The following ABCG1 variants were observed in gnomAD, a reference collection of about 807,000 sequenced individuals.
ABCG1 encodes ATP binding cassette subfamily G member 1, also known as ATP-binding cassette sub-family G member 1.
In ABCG1, 29 loss-of-function variants were observed where a neutral mutation model predicts 69.2. That is an observed-to-expected ratio of 0.42 (90% confidence interval 0.31 to 0.57). The LOEUF is 0.57. Among genes scored for constraint, ABCG1 ranks in the 20% least tolerant of loss-of-function variants. ABCG1 has a pLI of 0.15. For synonymous variants in ABCG1, 370 were observed against 374.8 expected (o/e 0.99, Z 0.15); for missense variants, 718 against 898.1 (o/e 0.80, Z 2.56).
At chr21:42,216,989 A>C (rs535269970), upstream of ABCG1, among the ~76,000 whole-genome samples, 1 of 152,332 alleles carries the variant, frequency 6.6e-6, no homozygotes, top group East Asian at 1.9e-4. Flanking sequence ...CAGAAAATCC[A>C]GCAGCCAAAG....
intron 2 of ABCG1, among the ~76,000 whole-genome samples, chr21:42,247,236 T>G (rs1450356603): frequency 6.6e-6 from 1 of 152,248 alleles, no homozygotes; most frequent in Non-Finnish European, 1.5e-5. Flanking sequence ...AAAGTATTTT[T>G]GCTCAGTCTT....
upstream of ABCG1, among the ~76,000 whole-genome samples, chr21:42,214,082 G>A (rs2067614949): frequency 6.6e-6 from 1 of 152,222 alleles, no homozygotes; most frequent in African/African-American, 2.4e-5. Context: ...GCCAGGGGTG[G>A]AATGCTATGG....
In ABCG1 at chr21:42,279,693, G is replaced by T. The variant is rs111709209; in HGVS notation, c.589-2581G>T. 6.6e-3 allele frequency among the ~76,000 whole-genome samples: 1,005 copies of T among 152,368 alleles called. 14 individuals carry two copies. The highest frequency in any genetic ancestry group is 0.023 in the African/African-American group (954 of 41,586). On this transcript the variant is annotated intron_variant, in intron 5 of 14. Coordinates refer to ENST00000398449, the MANE Select transcript of ABCG1 (RefSeq NM_016818.3). ...GGCGACAGCCACCAGCCTTTTCCGGGGTAGCTGGTGAAAGTCGCTCTCCCC... is the reference window on the plus strand; with the variant it reads ...GGCGACAGCCACCAGCCTTTTCCGGTGTAGCTGGTGAAAGTCGCTCTCCCC...
At chr21:42,208,147 T>C (rs1006298039) in intron 2 of ABCG1, among the ~76,000 whole-genome samples, 5 of 152,222 alleles carry the variant, frequency 3.3e-5, no homozygotes, top group Admixed American at 6.5e-5. Context: ...AGAGAAGTTA[T>C]TGTCTAAAAA....
chr21:42,258,774 G>C (rs538842065), intron 2 of ABCG1, among the ~76,000 whole-genome samples: 2 of 152,208 alleles, frequency 1.3e-5, no homozygotes, highest in Non-Finnish European at 2.9e-5. Context: ...GATGAGGGCT[G>C]CCCCCTGCAG....
chr21:42,268,063 CG>C (rs1318766157), intron 2 of ABCG1, among the ~76,000 whole-genome samples: 1 of 152,174 alleles, frequency 6.6e-6, no homozygotes, highest in Non-Finnish European at 1.5e-5. Context: ...GCATCCTGCA[CG>C]GGGCTGATGG....
At chr21:42,268,539 T>A (rs1474263287) in intron 2 of ABCG1, among the ~76,000 whole-genome samples, 1 of 152,220 alleles carries the variant, frequency 6.6e-6, no homozygotes, top group Non-Finnish European at 1.5e-5. Context: ...GACTAATGTT[T>A]ACTGGACTTT....
At chr21:42,246,597 G>GTA (rs1262275143) in intron 2 of ABCG1, among the ~76,000 whole-genome samples, 1 of 152,116 alleles carries the variant, frequency 6.6e-6, no homozygotes. Context: ...TGGCGTATGT[G>GTA]TATATATATG....
At position 42,243,475 on chromosome 21, in the gene ABCG1, TGTGTGTGTGTGTGTGC is replaced by T. The variant is rs1163365778; in HGVS notation, c.286+17563_286+17578del. Among the ~76,000 whole-genome samples, 7 of 150,932 alleles carry T rather than the reference TGTGTGTGTGTGTGTGC, an allele frequency of 4.6e-5. No homozygotes were observed. The South Asian group carries it at 6.3e-4, about 14-fold the overall frequency. On this transcript the variant is annotated intron_variant, in intron 2 of 14. Coordinates refer to ENST00000398449, the MANE Select transcript of ABCG1 (RefSeq NM_016818.3). ...GTGTGTGTGTGTGTGTGTGTGTGTG[TGTGTGTGTGTGTGTGC>T]GCTGGTTTATAATATCACCTGGGCG...
chr21:42,234,010 T>C (rs185256257), intron 2 of ABCG1, among the ~76,000 whole-genome samples: 29 of 128,806 alleles, frequency 2.3e-4, no homozygotes, highest in Admixed American at 3.0e-4. Flanking sequence ...CCTCCCACTG[T>C]TTTGGGAGAA....
At chr21:42,236,790 A>C (rs551817736) in intron 2 of ABCG1, among the ~76,000 whole-genome samples, 2 of 152,250 alleles carry the variant, frequency 1.3e-5, no homozygotes, top group Admixed American at 1.3e-4. Context: ...GGGTACATCT[A>C]TGATAACTAT....
upstream of ABCG1, among the ~76,000 whole-genome samples, chr21:42,216,985 A>C (rs905514136): frequency 6.6e-6 from 1 of 152,104 alleles, no homozygotes; most frequent in African/African-American, 2.4e-5. Flanking sequence ...GCAACAGAAA[A>C]TCCAGCAGCC....
chr21:42,249,229 GCCGGGC>G (rs1204677070), intron 2 of ABCG1, among the ~76,000 whole-genome samples: 8 of 152,132 alleles, frequency 5.3e-5, no homozygotes, highest in African/African-American at 1.9e-4. Context: ...AGGGAGGGGC[GCCGGGC>G]CTGGGGTGTG....
chr21:42,256,999 G>A (rs1972074682), intron 2 of ABCG1, among the ~76,000 whole-genome samples: 1 of 152,226 alleles, frequency 6.6e-6, no homozygotes, highest in Non-Finnish European at 1.5e-5. Context: ...AGCAGCCAGT[G>A]TTTATTAACC....
intron 2 of ABCG1, among the ~76,000 whole-genome samples, chr21:42,239,525 A>C (rs971346221): frequency 6.6e-6 from 1 of 152,250 alleles, no homozygotes; most frequent in African/African-American, 2.4e-5. Context: ...GGCGCCGGGC[A>C]GTGTGCTCAG....
chr21:42,244,681 C>G (rs225370), intron 2 of ABCG1, among the ~76,000 whole-genome samples: 15,046 of 152,156 alleles, frequency 0.099, 2,425 homozygotes, highest in African/African-American at 0.34. Flanking sequence ...TGGCAGTGGT[C>G]GTCTGAGAAT....
At position 42,207,738 on chromosome 21, in the gene ABCG1, G is replaced by T. The variant is rs185667717; in HGVS notation, c.48+6015G>T. On this transcript the variant is annotated intron_variant, in intron 2 of 15. Coordinates refer to the ABCG1 transcript ENST00000398457. Reference sequence around the variant, plus strand: ...GGGCTCCTCATTACCACTGGATGGGGGTTGAAGTTCTGGCTTTCCATTTGG... The same window carrying T: ...GGGCTCCTCATTACCACTGGATGGGTGTTGAAGTTCTGGCTTTCCATTTGG... 1.8e-4 allele frequency among the ~76,000 whole-genome samples: 27 copies of T among 152,348 alleles called. No homozygotes were observed. The East Asian group carries it at 3.9e-3, about 22-fold the overall frequency.
At chr21:42,268,362 G>GGGGT (rs375702317) in intron 2 of ABCG1, among the ~76,000 whole-genome samples, 1 of 147,604 alleles carries the variant, frequency 6.8e-6, no homozygotes, top group Non-Finnish European at 1.5e-5. Context: ...TAGAGGTAGG[G>GGGGT]GTGTGTGTGT....
intron 1 of ABCG1, among the ~76,000 whole-genome samples, chr21:42,222,256 C>T (rs1387778156): frequency 6.6e-6 from 1 of 152,186 alleles, no homozygotes. Flanking sequence ...CAGCTCTCAT[C>T]GGAGGATGTG....
Sources: gnomAD v4.1 joint callset for allele counts (sites outside exome capture counted in the v4.1 genomes callset) on GRCh38, gnomAD v4.1.1 for gene constraint, MANE v1.5 for transcripts, NCBI Gene and HGNC (gene_info 2026-07-23, HGNC 2026-07-21) for gene names.